The following CACHD1 variants were observed in gnomAD, a reference collection of about 807,000 sequenced individuals.
CACHD1 encodes the protein VWFA and cache domain-containing protein 1.
CACHD1 carries 71 observed loss-of-function variants against 138.7 expected under a neutral mutation model. The ratio of observed to expected loss-of-function variants is 0.51; its 90% confidence interval spans 0.42 to 0.62. The LOEUF is 0.62. Ranked by LOEUF, CACHD1 falls within the 20% of genes least tolerant of loss-of-function variation. CACHD1 has a pLI of 0.00. For synonymous variants in CACHD1, 578 were observed against 591.5 expected, an observed-to-expected ratio of 0.98 and a Z score of 0.33; for missense variants, 1,389 against 1,625.3, an observed-to-expected ratio of 0.85 and a Z score of 2.50.
intron 24 of CACHD1, among the ~76,000 whole-genome samples, chr1:64,680,775 C>T (rs1178940180): frequency 6.6e-6 from 1 of 152,178 alleles, no homozygotes; most frequent in Non-Finnish European, 1.5e-5. Flanking sequence ...GGCCACAAGC[C>T]TGAAGGGGAA....
intron 1 of CACHD1, among the ~76,000 whole-genome samples, chr1:64,526,257 A>G (rs1646537690): frequency 6.6e-6 from 1 of 152,170 alleles, no homozygotes; most frequent in Non-Finnish European, 1.5e-5. Flanking sequence ...TTAAGGTGCA[A>G]GCAAGATTCT....
chr1:64,490,094 C>A, intron 1 of CACHD1, among the ~76,000 whole-genome samples: 1 of 152,150 alleles, frequency 6.6e-6, no homozygotes, highest in Admixed American at 6.5e-5. Context: ...TCCATCTCAG[C>A]CCCTGCCCAC....
chr1:64,630,739 T>C (rs1369266330), intron 5 of CACHD1, among the ~76,000 whole-genome samples: 1 of 152,122 alleles, frequency 6.6e-6, no homozygotes, highest in East Asian at 1.9e-4. Flanking sequence ...CTCATTTGCT[T>C]CTAAGAAGAG....
chr1:64,663,972 G>T, intron 14 of CACHD1, 135 bp downstream of exon 14: 1 of 1,166,892 alleles, frequency 8.6e-7, no homozygotes, highest in Non-Finnish European at 1.2e-6. Context: ...CAGAGTGTGT[G>T]GCCCAGGGGA....
intron 2 of CACHD1, among the ~76,000 whole-genome samples, chr1:64,574,498 G>T (rs987665966): frequency 6.6e-6 from 1 of 152,136 alleles, no homozygotes. Flanking sequence ...CTGTAGTAAG[G>T]TCATGGCCTA....
At chr1:64,630,856 GA>G (rs11331316) in intron 5 of CACHD1, among the ~76,000 whole-genome samples, 9,115 of 152,246 alleles carry the variant, frequency 0.06, 316 homozygotes, top group Middle Eastern at 0.11. Context: ...AGGCAATTCG[GA>G]AAGTTTTCAT....
chr1:64,565,341 C>G (rs1646873316), intron 2 of CACHD1, among the ~76,000 whole-genome samples: 2 of 151,996 alleles, frequency 1.3e-5, no homozygotes, highest in Admixed American at 1.3e-4. Flanking sequence ...ATGGAAGGCA[C>G]TAAATCTGTA....
intron 19 of CACHD1, among the ~76,000 whole-genome samples, chr1:64,674,077 G>A (rs1020683270): frequency 2.0e-5 from 1 of 50,460 alleles, no homozygotes; most frequent in African/African-American, 4.0e-5. Context: ...GCTATTTACA[G>A]GAAGTAGGTT....
At chr1:64,523,581 C>G (rs1286062961) in intron 1 of CACHD1, among the ~76,000 whole-genome samples, 1 of 152,140 alleles carries the variant, frequency 6.6e-6, no homozygotes, top group African/African-American at 2.4e-5. Context: ...TGCTAGAGCC[C>G]TGACAGAATA....
chr1:64,496,098 A>G (rs305562), intron 1 of CACHD1, among the ~76,000 whole-genome samples: 134,298 of 152,230 alleles, frequency 0.88, 59,807 homozygotes, highest in East Asian at 0.97. Flanking sequence ...CTAGAACATG[A>G]GTGGTAGTGA....
intron 1 of CACHD1, among the ~76,000 whole-genome samples, chr1:64,492,109 A>G (rs1646279987): frequency 2.0e-5 from 3 of 151,824 alleles, no homozygotes; most frequent in Admixed American, 2.0e-4. Context: ...GAATTTTAAA[A>G]GATGGAAGCT....
At chr1:64,613,690 T>C (rs1028911610) in intron 4 of CACHD1, among the ~76,000 whole-genome samples, 1 of 152,196 alleles carries the variant, frequency 6.6e-6, no homozygotes, top group African/African-American at 2.4e-5. Context: ...TATCCTCTTA[T>C]GTCTCTGTTT....
intron 1 of CACHD1, among the ~76,000 whole-genome samples, chr1:64,514,107 T>A (rs1646441792): frequency 6.6e-6 from 1 of 152,242 alleles, no homozygotes; most frequent in South Asian, 2.1e-4. Flanking sequence ...CGTGTTTTAC[T>A]TTCTCTGTTT....
chr1:64,489,658 G>C (rs1039432624), intron 1 of CACHD1, among the ~76,000 whole-genome samples: 1 of 152,194 alleles, frequency 6.6e-6, no homozygotes, highest in Non-Finnish European at 1.5e-5. Flanking sequence ...AGTTAAATGA[G>C]ATGAGGTTTG....
chr1:64,628,534 G>A (rs1005978934), intron 4 of CACHD1, among the ~76,000 whole-genome samples: 2 of 152,188 alleles, frequency 1.3e-5, no homozygotes, highest in Non-Finnish European at 2.9e-5. Flanking sequence ...CGTGGGACAG[G>A]ATTGCACACA....
At chr1:64,600,916 C>T (rs1647206356) in intron 3 of CACHD1, among the ~76,000 whole-genome samples, 1 of 152,176 alleles carries the variant, frequency 6.6e-6, no homozygotes, top group African/African-American at 2.4e-5. Context: ...TATTTACAAA[C>T]TAAGACGAAA....
chr1:64,530,568 T>C (rs1646574559), intron 1 of CACHD1, among the ~76,000 whole-genome samples: 1 of 152,034 alleles, frequency 6.6e-6, no homozygotes. Flanking sequence ...TTCCCTGGAA[T>C]GGTTACTTAA....
chr1:64,632,698 G>C lies in CACHD1; in HGVS notation c.744G>C (p.Lys248Asn). ...SVTDTQLQIA[K>N]DAAQVILSAI... The stretch of plus-strand genomic sequence containing the variant: ...CAGACACTCAGCTTCAGATTGCCAA[G>C]GACGCTGCTCAGGTCATCCTCAGCG... Residue 248 changes from lysine to asparagine, a missense_variant, in exon 6 of 27, where the codon AAG becomes AAC. Coordinates refer to ENST00000651257, the MANE Select transcript of CACHD1 (RefSeq NM_020925.4). 6.2e-7 allele frequency: 1 copy of C among 1,614,120 alleles called. No homozygotes were observed. Among genetic ancestry groups the C allele is most frequent in the Non-Finnish European group, 8.5e-7 (1 of 1,179,996 alleles).
At chr1:64,578,647 G>A (rs1646988008) in intron 2 of CACHD1, among the ~76,000 whole-genome samples, 1 of 152,178 alleles carries the variant, frequency 6.6e-6, no homozygotes, top group Non-Finnish European at 1.5e-5. Context: ...AAATTATCTG[G>A]AAGTTTCTTG....
Sources: allele counts gnomAD v4.1 joint callset (sites outside exome capture counted in the v4.1 genomes callset), GRCh38; gene constraint gnomAD v4.1.1; transcripts MANE v1.5; gene names NCBI Gene and HGNC (gene_info 2026-07-23, HGNC 2026-07-21).